The following SMIM8 variants were observed in gnomAD, a reference collection of about 807,000 sequenced individuals.
SMIM8 encodes UPF0708 protein C6orf162.
In SMIM8, 8 loss-of-function variants were observed where a neutral mutation model predicts 8.1. The ratio of observed to expected loss-of-function variants is 0.99; its 90% CI spans 0.58 to 1.78. SMIM8 has a LOEUF of 1.78. Ranked by LOEUF, SMIM8 falls within the 40% of genes most tolerant of loss-of-function variation. The pLI is 0.00. For synonymous variants in SMIM8, 45 were observed against 39.7 expected (o/e 1.13, Z -0.50); for missense variants, 126 against 119.8 (o/e 1.05, Z -0.24).
chr6:87,341,057 G>GTTAA lies in SMIM8; in HGVS notation c.*789_*792dup. 2.7e-6 allele frequency: 1 copy of GTTAA among 376,088 alleles called. No homozygotes were observed. The highest frequency in any genetic ancestry group is 2.1e-5 in the African/African-American group (1 of 48,016). The allele number at this position is 376,088 out of a possible 1,614,324, so 23.3% of individuals were successfully genotyped here. A position where few individuals can be genotyped will look rare whatever the true frequency, so the allele number is the denominator to read the frequency against. On this transcript the variant is annotated 3_prime_UTR_variant, in exon 4 of 4. Coordinates refer to ENST00000392863, the MANE Select transcript of SMIM8 (RefSeq NM_001042493.3). ...ATTAATTTTGTTTATGTTAATTTGTGTTAATTAATGTTACTGTAATGTTAT... is the reference window on the plus strand; with the variant it reads ...ATTAATTTTGTTTATGTTAATTTGTGTTAATTAATTAATGTTACTGTAATGTTAT...
chr6:87,334,213 A>G (rs1777054263), intron 2 of SMIM8, among the ~76,000 whole-genome samples: 2 of 152,168 alleles, frequency 1.3e-5, no homozygotes, highest in South Asian at 2.1e-4. Flanking sequence ...GGGGATTACA[A>G]TTCAGCTTGA....
At chr6:87,337,818 G>A (rs184503655) in intron 3 of SMIM8, among the ~76,000 whole-genome samples, 1 of 152,150 alleles carries the variant, frequency 6.6e-6, no homozygotes, top group East Asian at 1.9e-4. Flanking sequence ...TGTAGAGATG[G>A]TGTGTCAGTA....
intron 2 of SMIM8, among the ~76,000 whole-genome samples, chr6:87,334,259 CATGGT>C (rs1420260370): frequency 6.6e-6 from 1 of 152,142 alleles, no homozygotes; most frequent in Non-Finnish European, 1.5e-5. Context: ...GCTTATCAGG[CATGGT>C]GAGTTTCAAG....
chr6:87,332,288 CTCTT>C (rs1313669396), intron 2 of SMIM8, among the ~76,000 whole-genome samples: 1 of 144,810 alleles, frequency 6.9e-6, no homozygotes, highest in Non-Finnish European at 1.5e-5. Flanking sequence ...ACTAGTCTCT[CTCTT>C]TCTCTTTCTC....
intron 3 of SMIM8, among the ~76,000 whole-genome samples, chr6:87,338,744 G>A (rs1319567063): frequency 1.3e-5 from 2 of 152,092 alleles, no homozygotes; most frequent in African/African-American, 2.4e-5. Flanking sequence ...AGCAGAAACT[G>A]TTATTTATAT....
At chr6:87,328,755 C>T (rs1255969227) in intron 1 of SMIM8, among the ~76,000 whole-genome samples, 1 of 152,206 alleles carries the variant, frequency 6.6e-6, no homozygotes, top group African/African-American at 2.4e-5. Context: ...GCAGGCAGGC[C>T]TCCTTGAGCT....
At chr6:87,323,397 T>C (rs1776721702) in intron 1 of SMIM8, among the ~76,000 whole-genome samples, 1 of 151,526 alleles carries the variant, frequency 6.6e-6, no homozygotes. Flanking sequence ...TAACATTAGG[T>C]ATATCTCCCA....
chr6:87,328,707 T>C (rs1342424143), intron 1 of SMIM8, among the ~76,000 whole-genome samples: 1 of 152,202 alleles, frequency 6.6e-6, no homozygotes, highest in Non-Finnish European at 1.5e-5. Context: ...GTCTTTTTGT[T>C]TGTCTGTGCC....
intron 3 of SMIM8, 141 bp from the exon 4 acceptor site, chr6:87,339,975 T>C (rs1777186715): frequency 6.7e-6 from 4 of 594,502 alleles, no homozygotes; most frequent in Non-Finnish European, 1.1e-5. Flanking sequence ...ACTGAATAAA[T>C]GATTTTAATT....
At chr6:87,328,033 C>A (rs1439251726) in intron 1 of SMIM8, among the ~76,000 whole-genome samples, 2 of 152,104 alleles carry the variant, frequency 1.3e-5, no homozygotes, top group Admixed American at 6.5e-5. Flanking sequence ...ACCCTTTCTT[C>A]CAGTTGATCG....
At chr6:87,327,445 G>T (rs1776856234) in intron 1 of SMIM8, among the ~76,000 whole-genome samples, 1 of 152,106 alleles carries the variant, frequency 6.6e-6, no homozygotes, top group South Asian at 2.1e-4. Context: ...TTTAGGGCAG[G>T]CCTGCTGGTC....
At chr6:87,328,736 C>G (rs1198054494) in intron 1 of SMIM8, among the ~76,000 whole-genome samples, 1 of 152,188 alleles carries the variant, frequency 6.6e-6, no homozygotes, top group Non-Finnish European at 1.5e-5. Flanking sequence ...AGAGGTGGAG[C>G]CTACAGAGGC....
In SMIM8 at chr6:87,335,398, G is replaced by T. The variant is rs77285601; in HGVS notation, c.-23-1611G>T. On this transcript the variant is annotated intron_variant, in intron 2 of 3. Coordinates refer to ENST00000392863, the MANE Select transcript of SMIM8 (RefSeq NM_001042493.3). ...GATGTAAAAATTGAACCAGAAAGCC[G>T]TGGTGATAGCGATGAAGAAGGCAAC... Among the ~76,000 whole-genome samples the T allele has an allele frequency of 6.3e-3, 953 of 152,276 alleles. 13 individuals are homozygous for T. Among genetic ancestry groups the T allele is most frequent in the African/African-American group, 0.022 (915 of 41,570 alleles).
intron 1 of SMIM8, among the ~76,000 whole-genome samples, chr6:87,323,875 G>A (rs1481469497): frequency 6.6e-6 from 1 of 152,060 alleles, no homozygotes; most frequent in Non-Finnish European, 1.5e-5. Flanking sequence ...GGTTGTACTG[G>A]TTTACAGGCC....
rs9362422 is a variant in SMIM8, at chr6:87,341,210, T to C, written c.*936T>C. On this transcript the variant is annotated 3_prime_UTR_variant, in exon 4 of 4. Transcript: ENST00000392863. ...GTTTATATGCCAGCAGGCCTTTTTG[T>C]TTTTTTCCTTTTCAGAATGTTTCTT... 4.8e-5 allele frequency: 19 copies of C among 398,338 alleles called. No individual in the cohort carries two copies. The highest frequency in any genetic ancestry group is 8.0e-5 in the Non-Finnish European group (18 of 225,958). The allele number at this position is 398,338 out of a possible 1,614,324, so 24.7% of individuals were successfully genotyped here.
chr6:87,339,369 T>TGA, intron 3 of SMIM8, among the ~76,000 whole-genome samples: 1 of 118,296 alleles, frequency 8.5e-6, no homozygotes, highest in South Asian at 2.8e-4. Context: ...TGTGTGTGTG[T>TGA]GTGAAATCCT....
At chr6:87,328,284 GTT>G (rs760467231) in intron 1 of SMIM8, among the ~76,000 whole-genome samples, 8,658 of 152,258 alleles carry the variant, frequency 0.057, 331 homozygotes, top group East Asian at 0.13. Context: ...ACTTTGTTCC[GTT>G]GCTCGTGAGG....
At chr6:87,336,961 CAG>C in intron 2 of SMIM8, 46 bp from the exon 3 acceptor site, 16 of 1,409,796 alleles carry the variant, frequency 1.1e-5, no homozygotes, top group Non-Finnish European at 1.5e-5. Flanking sequence ...AGAAATTTAT[CAG>C]AGAAGCACAA....
chr6:87,324,759 T>C (rs1245085030), intron 1 of SMIM8, among the ~76,000 whole-genome samples: 1 of 152,190 alleles, frequency 6.6e-6, no homozygotes, highest in Non-Finnish European at 1.5e-5. Flanking sequence ...GTGGGCTCTT[T>C]TTTGGTTCCA....
Sources: gnomAD v4.1 joint callset for allele counts (sites outside exome capture counted in the v4.1 genomes callset) on GRCh38, gnomAD v4.1.1 for gene constraint, MANE v1.5 for transcripts, NCBI Gene and HGNC (gene_info 2026-07-23, HGNC 2026-07-21) for gene names.